CR1L: variants seen among roughly 807,000 people sequenced by gnomAD.
CR1L encodes complement component receptor 1-like protein.
In CR1L, 59 loss-of-function variants were observed where a neutral mutation model predicts 62.3. The observed-to-expected ratio is 0.95, with a 90% CI of 0.77 to 1.18. The LOEUF (loss-of-function observed/expected upper bound fraction) is 1.18, where lower values mean the gene tolerates loss of function less well. CR1L is among the 50% of genes most tolerant of loss of function. CR1L has a pLI of 0.00. For missense variants in CR1L, 700 were observed against 702.8 expected, an observed-to-expected ratio of 1.00 and a Z score of 0.04; for synonymous variants, 279 against 248.7, an observed-to-expected ratio of 1.12 and a Z score of -1.15.
chr1:207,694,780 C>T (rs762402831), intron 5 of CR1L, 29 bp downstream of exon 5: 1 of 1,611,626 alleles, frequency 6.2e-7, no homozygotes, highest in African/African-American at 1.3e-5. Context: ...TAGAAGGGCC[C>T]TGCCAGTGAC....
At chr1:207,710,412 C>A in intron 10 of CR1L, 4 of 1,553,666 alleles carry the variant, frequency 2.6e-6, no homozygotes, top group Non-Finnish European at 3.6e-6. Context: ...CCCAACATCA[C>A]CAATGGATAT....
intron 4 of CR1L, among the ~76,000 whole-genome samples, chr1:207,690,248 A>T (rs1452436380): frequency 6.6e-6 from 1 of 152,004 alleles, no homozygotes; most frequent in Non-Finnish European, 1.5e-5. Context: ...TTTTTCTCTA[A>T]AACTATTTTA....
Position 207,649,636 on chromosome 1 carries a change from C to T in CR1L, c.97+4306C>T, listed in dbSNP as rs1050668283. Among the ~76,000 whole-genome samples, 3 of 152,082 alleles carry T rather than the reference C, an allele frequency of 2.0e-5. No individual in the cohort carries two copies. In the East Asian group the frequency reaches 5.8e-4, roughly 29 times the overall value. On this transcript the variant is annotated intron_variant, in intron 1 of 11. Coordinates refer to ENST00000508064, the MANE Select transcript of CR1L (RefSeq NM_175710.2). ...GTTTGGTAGTGGTTCAGCAGTGTGG[C>T]CTGGGAACCTAGTTGACTGGCCTGC...
chr1:207,710,934 G>A, intron 10 of CR1L: 1 of 830,836 alleles, frequency 1.2e-6, no homozygotes, highest in Non-Finnish European at 1.9e-6. Flanking sequence ...AAGAATCTGG[G>A]GTGTGCAAGC....
intron 1 of CR1L, among the ~76,000 whole-genome samples, chr1:207,668,111 G>T (rs942632655): frequency 6.6e-6 from 1 of 150,948 alleles, no homozygotes; most frequent in African/African-American, 2.5e-5. Context: ...TAGTATGGAG[G>T]TTTCTCAAAA....
At chr1:207,647,934 G>T (rs115605131) in intron 1 of CR1L, among the ~76,000 whole-genome samples, 1,932 of 152,226 alleles carry the variant, frequency 0.013, 27 homozygotes, top group African/African-American at 0.043. Context: ...TTAATGTTTA[G>T]AATAGGCTTA....
Position 207,677,307 on chromosome 1 carries a change from C to CAA in CR1L, c.98-53_98-52dup, listed in dbSNP as rs57151160. On this transcript the variant is annotated intron_variant, in intron 1 of 11. Transcript: ENST00000508064. ...TGGGTGACAGAGGGAGACTCTGTCA[C>CAA]AAAAAAAAAAAAAAAAAAAAAAAAA... The CAA allele has an allele frequency of 5.6e-3, 2,852 of 505,282 alleles. 142 individuals are homozygous for CAA. The highest frequency in any genetic ancestry group is 8.7e-3 in the Middle Eastern group (16 of 1,842). 31.3% of individuals were successfully genotyped at this position (505,282 alleles called of 1,614,324 possible). A position where few individuals can be genotyped will look rare whatever the true frequency, so the allele number is the denominator to read the frequency against.
intron 1 of CR1L, among the ~76,000 whole-genome samples, chr1:207,650,157 G>T (rs1484634218): frequency 2.0e-5 from 3 of 152,136 alleles, no homozygotes; most frequent in African/African-American, 7.2e-5. Flanking sequence ...TAGAGATCTG[G>T]GATGGAGAGA....
intron 1 of CR1L, among the ~76,000 whole-genome samples, chr1:207,649,973 G>A (rs1423950954): frequency 2.0e-5 from 3 of 152,074 alleles, no homozygotes; most frequent in Non-Finnish European, 4.4e-5. Flanking sequence ...TAGAATAAAC[G>A]GGCATTTCAG....
At chr1:207,663,999 G>A (rs1663470157) in intron 1 of CR1L, among the ~76,000 whole-genome samples, 1 of 152,062 alleles carries the variant, frequency 6.6e-6, no homozygotes, top group Non-Finnish European at 1.5e-5. Context: ...CTCTTTACTG[G>A]GCAGTTTTAT....
Position 207,699,287 on chromosome 1 carries a change from A to G in CR1L, c.1228+13A>G, listed in dbSNP as rs1664155724. ...CCAGTGTGTGAACGTAAGTAATAGG[A>G]GTAACATTTCAGGCCAATCTCTCCC... On this transcript the variant is annotated intron_variant, in intron 8 of 11. Transcript: ENST00000508064. 1.2e-6 allele frequency: 2 copies of G among 1,613,436 alleles called. No homozygotes were observed. Among genetic ancestry groups the G allele is most frequent in the South Asian group, 2.2e-5 (2 of 91,074 alleles).
At chr1:207,685,138 A>G (rs1435655205) in intron 4 of CR1L, among the ~76,000 whole-genome samples, 1 of 152,236 alleles carries the variant, frequency 6.6e-6, no homozygotes, top group African/African-American at 2.4e-5. Flanking sequence ...AAACAATATA[A>G]TAATACACCT....
At chr1:207,694,878 G>A in intron 5 of CR1L, 127 bp downstream of exon 5, 1 of 1,513,668 alleles carries the variant, frequency 6.6e-7, no homozygotes, top group Non-Finnish European at 8.8e-7. Flanking sequence ...TTTCTAGGTA[G>A]TGAACATGAA....
chr1:207,658,173 A>C (rs1480619341), intron 1 of CR1L, among the ~76,000 whole-genome samples: 2 of 152,220 alleles, frequency 1.3e-5, no homozygotes, highest in Non-Finnish European at 2.9e-5. Flanking sequence ...TACGTTAGAA[A>C]AAAAAGAAAA....
chr1:207,715,183 C>A (rs1431602935), intron 10 of CR1L: 9 of 579,418 alleles, frequency 1.6e-5, no homozygotes, highest in Non-Finnish European at 2.6e-5. Flanking sequence ...TTAGCTAGAC[C>A]TGAACCTAAG....
At chr1:207,662,525 G>T (rs1376688943) in intron 1 of CR1L, among the ~76,000 whole-genome samples, 2 of 152,032 alleles carry the variant, frequency 1.3e-5, no homozygotes, top group Non-Finnish European at 2.9e-5. Flanking sequence ...TCTCTGCATT[G>T]GTTATTCTAG....
chr1:207,710,229 A>T (rs1490571719), intron 10 of CR1L, among the ~76,000 whole-genome samples: 1 of 152,084 alleles, frequency 6.6e-6, no homozygotes, highest in Middle Eastern at 3.2e-3. Flanking sequence ...CTGTAATCCC[A>T]GCTACTCGGG....
chr1:207,699,854 A>G (rs1664165073), intron 8 of CR1L, among the ~76,000 whole-genome samples: 1 of 152,184 alleles, frequency 6.6e-6, no homozygotes, highest in Non-Finnish European at 1.5e-5. Flanking sequence ...TCAGGTAGGG[A>G]GAAGGACAAG....
chr1:207,687,819 C>T (rs1663935847), intron 4 of CR1L, among the ~76,000 whole-genome samples: 1 of 152,138 alleles, frequency 6.6e-6, no homozygotes. Context: ...TAAATATTCT[C>T]TTGTTTTCTA....
Sources: allele counts gnomAD v4.1 joint callset (sites outside exome capture counted in the v4.1 genomes callset), GRCh38; gene constraint gnomAD v4.1.1; transcripts MANE v1.5; gene names NCBI Gene and HGNC (gene_info 2026-07-23, HGNC 2026-07-21).